Variants in TRAP1 observed in about 807,000 individuals in gnomAD.
TRAP1 encodes the protein TNF receptor associated protein 1, also known as heat shock protein 75 kDa, mitochondrial.
TRAP1 carries 102 observed loss-of-function variants against 89.1 expected under a neutral mutation model. The ratio of observed to expected loss-of-function variants is 1.15; its 90% confidence interval spans 0.98 to 1.35. TRAP1 has a LOEUF of 1.35. Ranked by LOEUF, TRAP1 falls within the 40% of genes most tolerant of loss-of-function variation. The probability of loss-of-function intolerance (pLI) is 0.00; values close to 1 mark genes in which losing one functional copy is unlikely to be tolerated. For missense variants in TRAP1, 1,256 were observed against 945.3 expected (o/e 1.33, Z -4.31); for synonymous variants, 508 against 388.0 (o/e 1.31, Z -3.64).
intron 1 of TRAP1, 62 bp downstream of exon 1, chr16:3,717,359 G>A (rs913411623): frequency 2.7e-5 from 18 of 656,604 alleles, no homozygotes; most frequent in Non-Finnish European, 3.4e-5. Context: ...GGAGCACAGG[G>A]ACGTCCCTGC....
At chr16:3,668,947 C>G (rs1245128248) in intron 11 of TRAP1, among the ~76,000 whole-genome samples, 1 of 152,234 alleles carries the variant, frequency 6.6e-6, no homozygotes, top group Non-Finnish European at 1.5e-5. Flanking sequence ...CAGGAGCTCC[C>G]TCTCCACAGG....
At position 3,662,146 on chromosome 16, in the gene TRAP1, C is replaced by T; in HGVS notation, c.1795-14G>A. 1 of 1,607,902 alleles carries T rather than the reference C, an allele frequency of 6.2e-7. No homozygotes were observed. The highest frequency in any genetic ancestry group is 8.5e-7 in the Non-Finnish European group (1 of 1,176,692). On this transcript the variant is annotated splice_polypyrimidine_tract_variant and intron_variant, in intron 15 of 17. Transcript: ENST00000246957. ...TCGGAGGGTCACCTGTGAGCAAAGC[C>T]CGGGGTTGAGGGTGATAGAGGTTCC...
intron 15 of TRAP1, 106 bp from the exon 16 acceptor site, chr16:3,662,238 G>T: frequency 1.4e-6 from 2 of 1,394,590 alleles, no homozygotes; most frequent in Non-Finnish European, 9.7e-7. Context: ...GTAGCAGGCG[G>T]GGTCTCAAGG....
At chr16:3,670,257 C>G (rs1009282853) in intron 11 of TRAP1, among the ~76,000 whole-genome samples, 2 of 151,176 alleles carry the variant, frequency 1.3e-5, no homozygotes, top group Admixed American at 6.6e-5. Flanking sequence ...TGGCAGGCAC[C>G]TGTAGTCCCA....
intron 16 of TRAP1, 57 bp from the exon 17 acceptor site, chr16:3,658,922 C>T: frequency 6.4e-7 from 1 of 1,571,988 alleles, no homozygotes; most frequent in Non-Finnish European, 8.7e-7. Flanking sequence ...GTGACCCTCC[C>T]TTCATGTTTT....
rs757019552 is a variant in TRAP1, at chr16:3,664,349, G to A, written c.1494C>T (p.Tyr498=). 4.5e-5 allele frequency: 73 copies of A among 1,613,090 alleles called. 2 individuals carry two copies. In the South Asian group the frequency reaches 6.9e-4, roughly 15 times the overall value. Residue 498 remains tyrosine, a synonymous_variant, in exon 13 of 18, where the codon TAC becomes TAT. Transcript: ENST00000246957. ...GGTGACGGTTGGGGGCGCACAGGTA[G>A]TAGATGTTGCGGGTGCCGGCCCGCA... is the stretch of plus-strand genomic sequence containing the variant. ...SRMRAGTRNI[Y]YLCAPNRHLA... is the part of the protein sequence containing the mutation.
intron 4 of TRAP1, among the ~76,000 whole-genome samples, chr16:3,682,023 G>A (rs749141838): frequency 6.6e-6 from 1 of 152,146 alleles, no homozygotes; most frequent in Non-Finnish European, 1.5e-5. Flanking sequence ...ATGGATGAAA[G>A]AACCAAACAG....
intron 1 of TRAP1, among the ~76,000 whole-genome samples, chr16:3,691,302 A>G (rs1273815716): frequency 1.3e-5 from 2 of 152,136 alleles, no homozygotes; most frequent in East Asian, 3.8e-4. Context: ...CTGCAGCCCC[A>G]ACCTCCTGGA....
chr16:3,714,153 G>A (rs1398871430), intron 1 of TRAP1, among the ~76,000 whole-genome samples: 1 of 152,164 alleles, frequency 6.6e-6, no homozygotes, highest in Non-Finnish European at 1.5e-5. Context: ...TTACCCTGGG[G>A]CAAGCAGCTC....
At chr16:3,667,558 G>A (rs2050852880) in intron 11 of TRAP1, among the ~76,000 whole-genome samples, 2 of 151,452 alleles carry the variant, frequency 1.3e-5, no homozygotes, top group Non-Finnish European at 1.5e-5. Flanking sequence ...CCGGGAGGCA[G>A]AGGTTTCGGT....
At chr16:3,689,314 G>T (rs530234192) in intron 2 of TRAP1, among the ~76,000 whole-genome samples, 177 bp from the exon 3 acceptor site, 1 of 146,680 alleles carries the variant, frequency 6.8e-6, no homozygotes, top group Non-Finnish European at 1.5e-5. Context: ...GCACGATCTC[G>T]GCTCACTGCA....
At chr16:3,697,472 G>A (rs2051305145) in intron 1 of TRAP1, among the ~76,000 whole-genome samples, 1 of 151,914 alleles carries the variant, frequency 6.6e-6, no homozygotes, top group African/African-American at 2.4e-5. Flanking sequence ...AGACCATCCT[G>A]GCTAACACGG....
chr16:3,677,551 G>T lies in TRAP1; in HGVS notation c.651C>A (p.Val217=), dbSNP rs139397817. ...TCCCCGGGGCTGCCGAGCGGGAATA[G>T]ACCTCCACTCTGTCAGCCACCATGA... The part of the protein sequence containing the change: ...SAFMVADRVE[V]YSRSAAPGSL... Residue 217 remains valine, a synonymous_variant, in exon 6 of 18, where the codon GTC becomes GTA. Transcript: ENST00000246957. 3 of 1,614,070 alleles carry T rather than the reference G, an allele frequency of 1.9e-6. No individual in the cohort carries two copies. The highest frequency in any genetic ancestry group is 1.3e-5 in the African/African-American group (1 of 74,930).
chr16:3,663,356 C>T, intron 14 of TRAP1, 68 bp downstream of exon 14: 1 of 1,595,804 alleles, frequency 6.3e-7, no homozygotes, highest in South Asian at 1.1e-5. Context: ...GAAGCCCTCG[C>T]TGCGGGGCAG....
In TRAP1 at chr16:3,658,860, G is replaced by C. The variant is rs147353660; in HGVS notation, c.1946C>G (p.Ala649Gly). 16 of 1,613,896 alleles carry C rather than the reference G, an allele frequency of 9.9e-6. No homozygotes were observed. The highest frequency in any genetic ancestry group is 1.3e-5 in the Non-Finnish European group (15 of 1,179,998). ...QPTLEINPRH[A>G]LIKKLNQLRA... is the part of the protein sequence containing the mutation. ...CAGCTGATTCAGCTTCTTGATGAGCGCGTGCCTGCAACACAGAACCCACCA... is the reference window on the plus strand; with the variant it reads ...CAGCTGATTCAGCTTCTTGATGAGCCCGTGCCTGCAACACAGAACCCACCA... Residue 649 changes from alanine to glycine, a missense_variant, in exon 17 of 18, where the codon GCG (alanine) becomes GGG (glycine). Ala to Gly is a moderately conservative substitution (Grantham distance 60). Coordinates refer to ENST00000246957, the MANE Select transcript of TRAP1 (RefSeq NM_016292.3).
intron 7 of TRAP1, 61 bp downstream of exon 7, chr16:3,675,975 C>T: frequency 7.1e-7 from 1 of 1,418,170 alleles, no homozygotes; most frequent in African/African-American, 1.4e-5. Context: ...GCCTGCTGAC[C>T]TGGTGGCCTC....
chr16:3,658,539 G>C, intron 17 of TRAP1: 3 of 573,092 alleles, frequency 5.2e-6, no homozygotes, highest in Admixed American at 3.1e-5. Flanking sequence ...AAATTAGCCA[G>C]GCGCATGCCT....
intron 10 of TRAP1, 29 bp from the exon 11 acceptor site, chr16:3,671,820 G>A (rs200895689): frequency 1.7e-5 from 28 of 1,607,792 alleles, no homozygotes; most frequent in Admixed American, 6.7e-5. Flanking sequence ...AGCTTCTCCC[G>A]GGGCTGCGGC....
At chr16:3,691,059 A>C in intron 1 of TRAP1, 74 bp from the exon 2 acceptor site, 1 of 1,362,578 alleles carries the variant, frequency 7.3e-7, no homozygotes, top group Non-Finnish European at 9.7e-7. Flanking sequence ...CGTCCCATCA[A>C]GGGTGTCTAG....
Sources: allele counts gnomAD v4.1 joint callset (sites outside exome capture counted in the v4.1 genomes callset), GRCh38; gene constraint gnomAD v4.1.1; transcripts MANE v1.5; gene names NCBI Gene and HGNC (gene_info 2026-07-23, HGNC 2026-07-21).